IL23R: variants seen among roughly 807,000 people sequenced by gnomAD.
The protein encoded by IL23R is interleukin 23 receptor.
Under a neutral mutation model 56.9 loss-of-function variants are expected in IL23R, and 34 were observed. The observed-to-expected ratio is 0.60, with a 90% CI of 0.45 to 0.80. The LOEUF is 0.80. IL23R is among the 30% of genes least tolerant of loss of function. The pLI is 0.00. For synonymous variants in IL23R, 230 were observed against 249.2 expected, an observed-to-expected ratio of 0.92 and a Z score of 0.73; for missense variants, 635 against 730.0, an observed-to-expected ratio of 0.87 and a Z score of 1.50.
Position 67,255,895 on chromosome 1 carries a change from A to G in IL23R, c.1207A>G (p.Met403Val). The change falls in exon 10 of 11, where the codon ATG becomes GTG. Residue 403 changes from methionine to valine, a missense_variant. Met to Val is a conservative substitution (Grantham distance 21). Coordinates refer to ENST00000347310, the MANE Select transcript of IL23R (RefSeq NM_144701.3). ...GTGGCTTTATGAAGATATTCCTAAT[A>G]TGAAAAACAGCAATGTTGTGAAAAT... Reference protein sequence around the residue: ...PKWLYEDIPNMKNSNVVKMLQ... With the variant: ...PKWLYEDIPNVKNSNVVKMLQ... The G allele has an allele frequency of 1.2e-6, 2 of 1,603,296 alleles. No individual in the cohort carries two copies. Among genetic ancestry groups the G allele is most frequent in the Admixed American group, 1.7e-5 (1 of 59,946 alleles).
At position 67,258,472 on chromosome 1, in the gene IL23R, T is replaced by C. The variant is rs1173636428; in HGVS notation, c.1240-6T>C. On this transcript the variant is annotated splice_polypyrimidine_tract_variant and splice_region_variant and intron_variant, in intron 10 of 10. Transcript: ENST00000347310. ...TGCAAAATAAAATGATGTCTTTTTT[T>C]CCTAGGAAAATAGTGAACTTATGAA... 3 of 1,594,384 alleles carry C rather than the reference T, an allele frequency of 1.9e-6. No homozygotes were observed. Among genetic ancestry groups the C allele is most frequent in the Non-Finnish European group, 1.7e-6 (2 of 1,169,194 alleles).
At chr1:67,210,355 T>C (rs965258461) in intron 6 of IL23R, among the ~76,000 whole-genome samples, 4 of 152,208 alleles carry the variant, frequency 2.6e-5, no homozygotes, top group Non-Finnish European at 5.9e-5. Flanking sequence ...AATTTTGATA[T>C]ATTTTAAAAG....
intron 9 of IL23R, 148 bp downstream of exon 9, chr1:67,240,429 C>A: frequency 1.5e-6 from 1 of 655,544 alleles, no homozygotes; most frequent in Non-Finnish European, 2.7e-6. Context: ...TTAATAAGTA[C>A]TTACCCATGC....
chr1:67,215,006 T>C (rs1649739108), intron 6 of IL23R, among the ~76,000 whole-genome samples: 1 of 152,210 alleles, frequency 6.6e-6, no homozygotes, highest in Non-Finnish European at 1.5e-5. Flanking sequence ...TGACCACTGG[T>C]GCATGCAGCC....
chr1:67,235,229 G>A lies in IL23R; in HGVS notation c.956-1484G>A, dbSNP rs112118491. Among the ~76,000 whole-genome samples the A allele has an allele frequency of 6.7e-3, 1,027 of 152,200 alleles. 11 individuals carry two copies. Among genetic ancestry groups the A allele is most frequent in the Non-Finnish European group, 0.01 (685 of 68,020 alleles). On this transcript the variant is annotated intron_variant, in intron 7 of 10. Coordinates refer to ENST00000347310, the MANE Select transcript of IL23R (RefSeq NM_144701.3). ...ACAATTTCTGATTTGTCACAATTCC[G>A]GGTGAAACATTTTCCTCTTGCTGTA...
chr1:67,185,556 G>A (rs1000396702), intron 4 of IL23R, among the ~76,000 whole-genome samples: 1 of 151,984 alleles, frequency 6.6e-6, no homozygotes, highest in African/African-American at 2.4e-5. Context: ...AATTCTCCCA[G>A]CCACCAAGCC....
intron 6 of IL23R, among the ~76,000 whole-genome samples, chr1:67,213,155 C>T (rs1050458195): frequency 1.3e-5 from 2 of 152,062 alleles, no homozygotes; most frequent in African/African-American, 4.8e-5. Context: ...CCACTGCGCC[C>T]GGCCTAGTCA....
intron 6 of IL23R, among the ~76,000 whole-genome samples, chr1:67,208,239 G>A (rs1649218166): frequency 6.6e-6 from 1 of 152,182 alleles, no homozygotes; most frequent in Non-Finnish European, 1.5e-5. Flanking sequence ...AAAATTTGTG[G>A]CCTGACTATG....
At chr1:67,139,652 G>A (rs944537001) in intron 1 of IL23R, among the ~76,000 whole-genome samples, 6 of 152,234 alleles carry the variant, frequency 3.9e-5, no homozygotes, top group Admixed American at 6.5e-5. Context: ...TGTCCCCTCC[G>A]AAAGTCATGT....
At chr1:67,257,710 G>GT (rs1456222995) in intron 10 of IL23R, among the ~76,000 whole-genome samples, 4 of 151,980 alleles carry the variant, frequency 2.6e-5, no homozygotes, top group Admixed American at 6.6e-5. Flanking sequence ...TTTATTTGTT[G>GT]TTTTTTGTTT....
At chr1:67,188,075 A>G (rs1647476555) in intron 4 of IL23R, among the ~76,000 whole-genome samples, 1 of 152,134 alleles carries the variant, frequency 6.6e-6, no homozygotes, top group Non-Finnish European at 1.5e-5. Context: ...ATAAAAGAAA[A>G]ATAAAAAAAC....
At chr1:67,235,989 G>A (rs1651446730) in intron 7 of IL23R, among the ~76,000 whole-genome samples, 1 of 152,216 alleles carries the variant, frequency 6.6e-6, no homozygotes, top group Admixed American at 6.5e-5. Context: ...TGTCCTTGAA[G>A]TCACTTCTGT....
chr1:67,171,157 T>C (rs1385087538), intron 3 of IL23R, among the ~76,000 whole-genome samples: 1 of 151,822 alleles, frequency 6.6e-6, no homozygotes, highest in African/African-American at 2.4e-5. Context: ...GGGGTGGGAG[T>C]TGGGTAGAGA....
intron 3 of IL23R, among the ~76,000 whole-genome samples, chr1:67,174,235 C>T (rs1646980664): frequency 6.6e-6 from 1 of 151,644 alleles, no homozygotes; most frequent in Non-Finnish European, 1.5e-5. Context: ...ATGTAAAGTG[C>T]TCTCCATAAA....
At chr1:67,227,957 T>TTC (rs1558253847) in intron 7 of IL23R, among the ~76,000 whole-genome samples, 1 of 9,520 alleles carries the variant, frequency 1.1e-4, no homozygotes, top group African/African-American at 2.2e-4. Flanking sequence ...TTTCTTTCTT[T>TTC]CTTTCTTTCT....
At chr1:67,186,231 A>G (rs1647319382) in intron 4 of IL23R, among the ~76,000 whole-genome samples, 1 of 152,214 alleles carries the variant, frequency 6.6e-6, no homozygotes, top group Admixed American at 6.5e-5. Context: ...ATTGACAGAG[A>G]TAGCCTAGTG....
At chr1:67,206,322 T>A (rs189795682) in intron 5 of IL23R, among the ~76,000 whole-genome samples, 1 of 152,028 alleles carries the variant, frequency 6.6e-6, no homozygotes, top group Non-Finnish European at 1.5e-5. Flanking sequence ...CTTTCTTTCT[T>A]TTTTTTGAGA....
intron 6 of IL23R, 81 bp downstream of exon 6, chr1:67,207,136 A>G: frequency 7.3e-7 from 1 of 1,361,930 alleles, no homozygotes; most frequent in Non-Finnish European, 1.0e-6. Context: ...TGGACTTATT[A>G]TGTCTATTTT....
intron 4 of IL23R, among the ~76,000 whole-genome samples, chr1:67,189,458 G>T (rs191816371): frequency 6.6e-6 from 1 of 152,268 alleles, no homozygotes; most frequent in East Asian, 1.9e-4. Flanking sequence ...GTTCTGAATT[G>T]ATGGAGGCCA....
Sources: allele counts gnomAD v4.1 joint callset (sites outside exome capture counted in the v4.1 genomes callset), GRCh38; gene constraint gnomAD v4.1.1; transcripts MANE v1.5; gene names NCBI Gene and HGNC (gene_info 2026-07-23, HGNC 2026-07-21).